NKAIN3: variants seen among roughly 807,000 people sequenced by gnomAD.
NKAIN3 encodes the protein sodium/potassium-transporting ATPase subunit beta-1-interacting protein 3.
NKAIN3 carries 25 observed loss-of-function variants against 30.2 expected under a neutral mutation model. The observed-to-expected ratio is 0.83, with a 90% CI of 0.60 to 1.16. The LOEUF is 1.16. Among genes scored for constraint, NKAIN3 ranks in the 50% most tolerant of loss-of-function variants. The pLI, the probability that NKAIN3 is intolerant of heterozygous loss-of-function variation, is 0.00. For missense variants in NKAIN3, 225 were observed against 254.1 expected (o/e 0.89, Z 0.78); for synonymous variants, 91 against 89.6 (o/e 1.02, Z -0.09).
At chr8:62,760,634 G>C (rs1816624392) in intron 4 of NKAIN3, among the ~76,000 whole-genome samples, 1 of 146,820 alleles carries the variant, frequency 6.8e-6, no homozygotes, top group Non-Finnish European at 1.5e-5. Context: ...TGTGGTGTGG[G>C]GGGAGGGGGG....
At chr8:62,466,040 GA>G (rs1166135711) in intron 1 of NKAIN3, among the ~76,000 whole-genome samples, 2 of 151,558 alleles carry the variant, frequency 1.3e-5, no homozygotes, top group East Asian at 1.9e-4. Flanking sequence ...AAAAAAGAAA[GA>G]AAAAAAAGTT....
At chr8:62,440,430 C>G (rs192694826) in intron 1 of NKAIN3, among the ~76,000 whole-genome samples, 1 of 152,142 alleles carries the variant, frequency 6.6e-6, no homozygotes, top group Non-Finnish European at 1.5e-5. Context: ...TATATTAGCA[C>G]GTATGTCACT....
At chr8:62,536,477 A>G (rs1326352611) in intron 1 of NKAIN3, among the ~76,000 whole-genome samples, 4 of 152,080 alleles carry the variant, frequency 2.6e-5, no homozygotes, top group Admixed American at 2.0e-4. Flanking sequence ...GATTTATTGA[A>G]TTACATTTGC....
At chr8:62,782,700 T>C (rs530509323) in intron 4 of NKAIN3, among the ~76,000 whole-genome samples, 1 of 151,162 alleles carries the variant, frequency 6.6e-6, no homozygotes, top group South Asian at 2.1e-4. Flanking sequence ...ATGTTCTTAC[T>C]CATATGTGAG....
chr8:62,831,214 G>A (rs879453436), intron 4 of NKAIN3, among the ~76,000 whole-genome samples: 13 of 151,386 alleles, frequency 8.6e-5, no homozygotes, highest in Non-Finnish European at 1.6e-4. Context: ...GTAGGGAAAG[G>A]AAAATGAAAA....
chr8:62,803,837 A>C (rs1420305822), intron 4 of NKAIN3, among the ~76,000 whole-genome samples: 1 of 152,198 alleles, frequency 6.6e-6, no homozygotes, highest in Non-Finnish European at 1.5e-5. Context: ...TGGTTTTTTG[A>C]AAGGATCAAC....
intron 4 of NKAIN3, among the ~76,000 whole-genome samples, chr8:62,776,448 T>C (rs1817194718): frequency 6.6e-6 from 1 of 152,160 alleles, no homozygotes; most frequent in East Asian, 1.9e-4. Flanking sequence ...ATTTCTATTG[T>C]ATGTTTTCTG....
At chr8:62,606,415 A>G (rs1266039031) in intron 3 of NKAIN3, among the ~76,000 whole-genome samples, 1 of 152,158 alleles carries the variant, frequency 6.6e-6, no homozygotes, top group Non-Finnish European at 1.5e-5. Context: ...ATTTCAGTGC[A>G]CAACTGCACT....
chr8:62,530,618 G>GTATT (rs1473856281), intron 1 of NKAIN3, among the ~76,000 whole-genome samples: 8 of 151,858 alleles, frequency 5.3e-5, no homozygotes, highest in Non-Finnish European at 7.4e-5. Context: ...ACGTATGTAT[G>GTATT]TATTTATTTA....
chr8:62,344,109 G>A (rs561385260), intron 1 of NKAIN3, among the ~76,000 whole-genome samples: 1 of 151,988 alleles, frequency 6.6e-6, no homozygotes, highest in Non-Finnish European at 1.5e-5. Flanking sequence ...GCCAGGCTGG[G>A]GGGTGGAGGG....
intron 4 of NKAIN3, among the ~76,000 whole-genome samples, chr8:62,822,963 T>A (rs1164684331): frequency 1.3e-5 from 2 of 152,196 alleles, no homozygotes; most frequent in Non-Finnish European, 2.9e-5. Flanking sequence ...ATAGTAATTA[T>A]GTAGATATCT....
chr8:62,714,942 A>T (rs1586120537), intron 3 of NKAIN3, among the ~76,000 whole-genome samples: 1 of 152,228 alleles, frequency 6.6e-6, no homozygotes, highest in Non-Finnish European at 1.5e-5. Flanking sequence ...TAAAGACCTG[A>T]GACTGTGTAA....
At chr8:62,443,283 G>A (rs1226824105) in intron 1 of NKAIN3, among the ~76,000 whole-genome samples, 3 of 151,748 alleles carry the variant, frequency 2.0e-5, no homozygotes, top group Non-Finnish European at 4.4e-5. Flanking sequence ...TGATTATTAT[G>A]GACTTTTCAC....
At chr8:62,284,521 G>A (rs142050756) in intron 1 of NKAIN3, among the ~76,000 whole-genome samples, 12 of 152,082 alleles carry the variant, frequency 7.9e-5, no homozygotes, top group African/African-American at 2.9e-4. Context: ...AGCTACTTGG[G>A]AGGCTGAGGC....
At chr8:62,822,744 T>C (rs1037477586) in intron 4 of NKAIN3, among the ~76,000 whole-genome samples, 1 of 152,152 alleles carries the variant, frequency 6.6e-6, no homozygotes, top group African/African-American at 2.4e-5. Context: ...TGTTTGCTAG[T>C]GAATAAATGC....
intron 4 of NKAIN3, among the ~76,000 whole-genome samples, chr8:62,899,127 T>C (rs1439084069): frequency 6.6e-6 from 1 of 152,202 alleles, no homozygotes; most frequent in Non-Finnish European, 1.5e-5. Flanking sequence ...TGTATACTGT[T>C]GATGGGAATG....
chr8:62,932,236 AT>A (rs1430975634), intron 5 of NKAIN3, among the ~76,000 whole-genome samples: 1 of 152,228 alleles, frequency 6.6e-6, no homozygotes, highest in Non-Finnish European at 1.5e-5. Context: ...TCAAGAAGCA[AT>A]TATTGGGAGA....
chr8:62,272,257 G>T (rs953460531), intron 1 of NKAIN3, among the ~76,000 whole-genome samples: 7 of 152,020 alleles, frequency 4.6e-5, no homozygotes, highest in Non-Finnish European at 1.5e-5. Flanking sequence ...TTTTCTACTC[G>T]CCTAGGACAT....
rs1186139453 is a variant in NKAIN3, at chr8:62,606,528, G to C, written c.273+16734G>C. Reference sequence around the variant, plus strand: ...AAAGTATGCTGCTGGAAAAAAAATGGCATAAAGAAGTCCTTTCAGAACAAG... The same window carrying C: ...AAAGTATGCTGCTGGAAAAAAAATGCCATAAAGAAGTCCTTTCAGAACAAG... On this transcript the variant is annotated intron_variant, in intron 3 of 6. Transcript: ENST00000623646. Among the ~76,000 whole-genome samples the C allele has an allele frequency of 6.6e-5, 10 of 151,982 alleles. No individual in the cohort carries two copies. The East Asian group carries it at 1.7e-3, about 26-fold the overall frequency.
Sources: gnomAD v4.1 joint callset for allele counts (sites outside exome capture counted in the v4.1 genomes callset) on GRCh38, gnomAD v4.1.1 for gene constraint, MANE v1.5 for transcripts, NCBI Gene and HGNC (gene_info 2026-07-23, HGNC 2026-07-21) for gene names.